Variants in APP observed in about 807,000 individuals in gnomAD.
APP encodes amyloid-beta precursor protein.
In APP, 31 loss-of-function variants were observed where a neutral mutation model predicts 101.4. The observed-to-expected ratio is 0.31, with a 90% CI of 0.23 to 0.41. APP has a LOEUF of 0.41. Among genes scored for constraint, APP ranks in the 10% least tolerant of loss-of-function variants. The pLI is 1.00. For synonymous variants in APP, 366 were observed against 364.4 expected, an observed-to-expected ratio of 1.00 and a Z score of -0.05; for missense variants, 839 against 1,003.7, an observed-to-expected ratio of 0.84 and a Z score of 2.22.
rs553165144 is a variant in APP at position 26,038,232 on chromosome 21, T to C, written c.662+12768A>G. Reference sequence around the variant, plus strand: ...ATCATTACTTGATTACTACCAAAACTAATTTTAATAATGTTCTCAACCTTA... The same window carrying C: ...ATCATTACTTGATTACTACCAAAACCAATTTTAATAATGTTCTCAACCTTA... On this transcript the variant is annotated intron_variant, in intron 5 of 17. Coordinates refer to ENST00000346798, the MANE Select transcript of APP (RefSeq NM_000484.4). Among the ~76,000 whole-genome samples the C allele has an allele frequency of 2.3e-4, 35 of 149,332 alleles. 1 individual carries two copies. Among genetic ancestry groups the C allele is most frequent in the African/African-American group, 8.5e-4 (35 of 41,420 alleles).
chr21:25,894,058 G>A (rs1417235234), intron 16 of APP, among the ~76,000 whole-genome samples: 5 of 152,144 alleles, frequency 3.3e-5, no homozygotes, highest in Non-Finnish European at 5.9e-5. Flanking sequence ...TCTATAAATG[G>A]AACAAAACTG....
intron 3 of APP, among the ~76,000 whole-genome samples, chr21:26,086,933 A>G (rs2830047): frequency 0.15 from 22,494 of 152,218 alleles, 2,397 homozygotes; most frequent in African/African-American, 0.29. Flanking sequence ...TATAGCAAGA[A>G]ATTCAACCTC....
At chr21:26,001,035 T>C (rs1349811803) in intron 6 of APP, among the ~76,000 whole-genome samples, 1 of 152,136 alleles carries the variant, frequency 6.6e-6, no homozygotes, top group Non-Finnish European at 1.5e-5. Context: ...TGCTACTTAA[T>C]TGATATTTAT....
intron 15 of APP, among the ~76,000 whole-genome samples, chr21:25,901,228 A>G (rs9978546): frequency 1 from 149,830 of 149,830 alleles, 74,915 homozygotes; most frequent in Non-Finnish European, 1. Flanking sequence ...AGCCCAGGAA[A>G]TGGGGGTTGC....
At chr21:26,047,761 C>G (rs556958167) in intron 5 of APP, among the ~76,000 whole-genome samples, 3 of 152,306 alleles carry the variant, frequency 2.0e-5, no homozygotes, top group East Asian at 1.9e-4. Context: ...AGGAACTACA[C>G]TGTCCAAATA....
At chr21:26,093,519 T>C (rs2061871562) in intron 2 of APP, among the ~76,000 whole-genome samples, 2 of 152,202 alleles carry the variant, frequency 1.3e-5, no homozygotes, top group African/African-American at 2.4e-5. Context: ...CTCTTTTTCA[T>C]GTTGGTTGCA....
intron 7 of APP, among the ~76,000 whole-genome samples, chr21:25,998,937 ACT>A (rs1490703627): frequency 1.3e-5 from 2 of 152,190 alleles, no homozygotes; most frequent in Non-Finnish European, 2.9e-5. Flanking sequence ...AGTCATCATG[ACT>A]TCATATTTTT....
At chr21:26,143,412 T>G (rs549582393) in intron 1 of APP, among the ~76,000 whole-genome samples, 6 of 152,376 alleles carry the variant, frequency 3.9e-5, no homozygotes, top group Middle Eastern at 3.4e-3. Context: ...CTTCTTTTAT[T>G]CTTCCCTAGC....
intron 6 of APP, among the ~76,000 whole-genome samples, chr21:26,002,939 G>A (rs1166166809): frequency 7.2e-5 from 11 of 152,148 alleles, no homozygotes; most frequent in Non-Finnish European, 1.5e-5. Context: ...GTCAAGTAAT[G>A]GGATAAAAGA....
At chr21:25,898,313 C>A (rs1033116925) in intron 15 of APP, among the ~76,000 whole-genome samples, 2 of 152,146 alleles carry the variant, frequency 1.3e-5, no homozygotes, top group Non-Finnish European at 2.9e-5. Flanking sequence ...GAATTTATAA[C>A]CTACGAACTC....
At chr21:26,021,327 T>C (rs1398120971) in intron 6 of APP, among the ~76,000 whole-genome samples, 1 of 152,074 alleles carries the variant, frequency 6.6e-6, no homozygotes. Context: ...GGATTACAGG[T>C]GTGAGGCACT....
At chr21:26,002,278 G>A (rs893322409) in intron 6 of APP, among the ~76,000 whole-genome samples, 4 of 152,162 alleles carry the variant, frequency 2.6e-5, no homozygotes, top group Admixed American at 2.0e-4. Context: ...TGACATCATC[G>A]TGATGGTAGC....
At chr21:25,907,462 A>C (rs1601361689) in intron 14 of APP, among the ~76,000 whole-genome samples, 1 of 152,352 alleles carries the variant, frequency 6.6e-6, no homozygotes. Context: ...CCTTTACTTA[A>C]CCAGACAGTA....
intron 1 of APP, among the ~76,000 whole-genome samples, chr21:26,153,151 G>A (rs1004272371): frequency 1.3e-5 from 2 of 152,068 alleles, no homozygotes; most frequent in African/African-American, 4.8e-5. Context: ...CGAGGAGGAG[G>A]GTAATAGGGG....
At chr21:26,073,291 G>A (rs2146042777) in intron 3 of APP, among the ~76,000 whole-genome samples, 1 of 152,220 alleles carries the variant, frequency 6.6e-6, no homozygotes, top group Non-Finnish European at 1.5e-5. Context: ...GGGGAAGGGA[G>A]CCTGAAAGGA....
At chr21:25,905,161 G>A (rs2038724806) in intron 14 of APP, 84 bp from the exon 15 acceptor site, 2 of 1,183,032 alleles carry the variant, frequency 1.7e-6, no homozygotes, top group Admixed American at 1.8e-5. Context: ...AGTCGAGCAG[G>A]GAAAAAAGCA....
intron 1 of APP, among the ~76,000 whole-genome samples, chr21:26,135,153 C>A (rs918483113): frequency 2.0e-5 from 3 of 152,144 alleles, no homozygotes; most frequent in Non-Finnish European, 4.4e-5. Context: ...ATGCTCTGTG[C>A]ATAATAAGAT....
chr21:25,993,397 T>C (rs1040269228), intron 8 of APP, among the ~76,000 whole-genome samples: 3 of 152,172 alleles, frequency 2.0e-5, no homozygotes, highest in Admixed American at 2.0e-4. Flanking sequence ...TCTAGGAAAC[T>C]AAGATGAAAC....
intron 6 of APP, among the ~76,000 whole-genome samples, chr21:26,004,572 G>A (rs542028939): frequency 3.9e-5 from 6 of 152,242 alleles, no homozygotes; most frequent in African/African-American, 9.6e-5. Context: ...GATTACAGGC[G>A]TGAGGCACCG....
Sources: allele counts gnomAD v4.1 joint callset (sites outside exome capture counted in the v4.1 genomes callset), GRCh38; gene constraint gnomAD v4.1.1; transcripts MANE v1.5; gene names NCBI Gene and HGNC (gene_info 2026-07-23, HGNC 2026-07-21).